The following SGCD variants were observed in gnomAD, a reference collection of about 807,000 sequenced individuals.
The protein encoded by SGCD is sarcoglycan delta.
Under a neutral mutation model 36.6 loss-of-function variants are expected in SGCD, and 18 were observed. The ratio of observed to expected loss-of-function variants is 0.49; its 90% CI spans 0.34 to 0.73. The LOEUF is 0.73. Among genes scored for constraint, SGCD ranks in the 30% least tolerant of loss-of-function variants. The pLI, the probability that SGCD is intolerant of heterozygous loss-of-function variation, is 0.01. For missense variants in SGCD, 387 were observed against 346.7 expected, an observed-to-expected ratio of 1.12 and a Z score of -0.92; for synonymous variants, 133 against 130.6, an observed-to-expected ratio of 1.02 and a Z score of -0.12.
intron 1 of SGCD, among the ~76,000 whole-genome samples, chr5:156,010,758 T>C (rs1267838321): frequency 5.3e-5 from 8 of 152,232 alleles, no homozygotes; most frequent in Non-Finnish European, 1.0e-4. Flanking sequence ...TTGGTGAAAT[T>C]AACTTACTTA....
At chr5:155,837,691 G>A in the SGCD span, among the ~76,000 whole-genome samples, 2 of 152,102 alleles carry the variant, frequency 1.3e-5, no homozygotes, top group African/African-American at 4.8e-5. Context: ...TGTCTAGAAA[G>A]CCTATTGTCA....
chr5:156,585,448 A>G (rs897807802), intron 4 of SGCD, among the ~76,000 whole-genome samples: 2 of 152,190 alleles, frequency 1.3e-5, no homozygotes, highest in African/African-American at 4.8e-5. Context: ...TTAATGACAA[A>G]TCTCACTTTG....
rs529331520 is a variant in SGCD, at chr5:155,917,637, G to A, written c.-282+47213G>A. ...CAACTAGAAAGTAGGCTTTTTCCTG[G>A]GAACTTTGCTCCCAGGAATACCAAG... On this transcript the variant is annotated intron_variant, in intron 1 of 9. Transcript: ENST00000517913. Among the ~76,000 whole-genome samples, 12 of 152,122 alleles carry A rather than the reference G, an allele frequency of 7.9e-5. No individual in the cohort carries two copies. In the South Asian group the frequency reaches 2.5e-3, roughly 32 times the overall value.
intron 3 of SGCD, among the ~76,000 whole-genome samples, chr5:156,136,804 C>T (rs962430841): frequency 3.9e-5 from 6 of 152,154 alleles, no homozygotes; most frequent in African/African-American, 1.2e-4. Flanking sequence ...TTACTACCTT[C>T]TTCTGTACAG....
At chr5:155,808,703 T>C in the SGCD span, among the ~76,000 whole-genome samples, 1 of 152,220 alleles carries the variant, frequency 6.6e-6, no homozygotes, top group Non-Finnish European at 1.5e-5. Context: ...TATTCTGGCT[T>C]TAGTAGAACT....
the SGCD span, among the ~76,000 whole-genome samples, chr5:155,825,887 T>G: frequency 1.3e-5 from 2 of 152,074 alleles, no homozygotes; most frequent in Non-Finnish European, 2.9e-5. Context: ...TAGCTGGGAT[T>G]ACAGGCACCT....
chr5:156,434,914 G>A (rs1438876395), intron 3 of SGCD, among the ~76,000 whole-genome samples: 2 of 152,192 alleles, frequency 1.3e-5, no homozygotes, highest in Non-Finnish European at 2.9e-5. Flanking sequence ...CAAAATTATA[G>A]CTGCCAAGCA....
intron 3 of SGCD, among the ~76,000 whole-genome samples, chr5:156,143,776 G>A (rs1762634658): frequency 6.6e-6 from 1 of 151,794 alleles, no homozygotes; most frequent in Non-Finnish European, 1.5e-5. Context: ...TAGGGTACAT[G>A]TGTACAATGT....
At chr5:156,122,760 C>G (rs113468947) in intron 2 of SGCD, among the ~76,000 whole-genome samples, 4 of 142,986 alleles carry the variant, frequency 2.8e-5, no homozygotes, top group African/African-American at 1.0e-4. Context: ...TGGAGAGTAC[C>G]AGCCCTAGTC....
intron 1 of SGCD, among the ~76,000 whole-genome samples, chr5:155,996,706 G>C (rs1758552017): frequency 6.6e-6 from 1 of 151,182 alleles, no homozygotes; most frequent in South Asian, 2.1e-4. Context: ...TTGAACCTGG[G>C]AGGCAGAGGT....
At chr5:156,596,551 A>G (rs772132432) in intron 6 of SGCD, among the ~76,000 whole-genome samples, 9 of 152,140 alleles carry the variant, frequency 5.9e-5, no homozygotes, top group Admixed American at 6.5e-5. Context: ...ACCTGAAATT[A>G]TATTTATCTC....
At chr5:155,747,765 C>G in the SGCD span, among the ~76,000 whole-genome samples, 2 of 152,262 alleles carry the variant, frequency 1.3e-5, no homozygotes, top group African/African-American at 4.8e-5. Flanking sequence ...TTTCCTAGCT[C>G]CTGATGCTCC....
chr5:155,926,264 T>C (rs189804932), intron 1 of SGCD, among the ~76,000 whole-genome samples: 1 of 152,360 alleles, frequency 6.6e-6, no homozygotes, highest in Admixed American at 6.5e-5. Flanking sequence ...GCAAGTTTGC[T>C]GTTTTCAATC....
intron 3 of SGCD, among the ~76,000 whole-genome samples, chr5:156,265,328 G>T (rs940518991): frequency 6.6e-6 from 1 of 152,136 alleles, no homozygotes; most frequent in Non-Finnish European, 1.5e-5. Context: ...ATTAGTGATG[G>T]ATAGGAAGAT....
rs192851063 is a variant in SGCD at position 156,455,606 on chromosome 5, T to G, written c.193-52995T>G. On this transcript the variant is annotated intron_variant, in intron 3 of 8. Coordinates refer to ENST00000337851, the MANE Select transcript of SGCD (RefSeq NM_000337.6). ...GATTCTCAAGCCTCTGCTGACCACC[T>G]GACCCTTGCCTGGAGCCTTGCATAG... Among the ~76,000 whole-genome samples the G allele has an allele frequency of 1.1e-3, 161 of 152,302 alleles. 2 individuals are homozygous for G. Among genetic ancestry groups the G allele is most frequent in the African/African-American group, 3.5e-3 (147 of 41,578 alleles).
chr5:156,187,562 C>G (rs1322336693), intron 3 of SGCD, among the ~76,000 whole-genome samples: 1 of 152,046 alleles, frequency 6.6e-6, no homozygotes. Context: ...TTCTCTGCCA[C>G]AGTTTCCTCA....
the SGCD span, among the ~76,000 whole-genome samples, chr5:155,734,639 T>C: frequency 1.3e-5 from 2 of 152,200 alleles, no homozygotes; most frequent in African/African-American, 4.8e-5. Context: ...ATGAAACACA[T>C]TCTGGTTTGT....
chr5:156,352,581 T>A (rs1769312279), intron 3 of SGCD, among the ~76,000 whole-genome samples: 4 of 152,242 alleles, frequency 2.6e-5, no homozygotes, highest in Admixed American at 2.6e-4. Flanking sequence ...ATACCTGTAG[T>A]ATATAGATCT....
chr5:156,250,627 T>G (rs1297450335), intron 3 of SGCD, among the ~76,000 whole-genome samples: 3 of 152,178 alleles, frequency 2.0e-5, no homozygotes, highest in African/African-American at 7.2e-5. Flanking sequence ...CTGTTCCTTT[T>G]GTTTGTAATA....
Sources: allele counts gnomAD v4.1 joint callset (sites outside exome capture counted in the v4.1 genomes callset), GRCh38; gene constraint gnomAD v4.1.1; transcripts MANE v1.5; gene names NCBI Gene and HGNC (gene_info 2026-07-23, HGNC 2026-07-21).